Variants in MUSK observed in about 807,000 individuals in gnomAD.
The protein encoded by MUSK is muscle, skeletal receptor tyrosine-protein kinase.
A neutral mutation model predicts 88.7 loss-of-function variants in MUSK; 55 were observed. The observed-to-expected ratio is 0.62, with a 90% CI of 0.50 to 0.78. The LOEUF (loss-of-function observed/expected upper bound fraction) is 0.78, where lower values mean the gene tolerates loss of function less well. Ranked by LOEUF, MUSK falls within the 30% of genes least tolerant of loss-of-function variation. The probability of loss-of-function intolerance (pLI) is 0.00; values close to 1 mark genes in which losing one functional copy is unlikely to be tolerated. For synonymous variants in MUSK, 387 were observed against 391.9 expected, an observed-to-expected ratio of 0.99 and a Z score of 0.15; for missense variants, 1,015 against 1,074.3, an observed-to-expected ratio of 0.94 and a Z score of 0.77.
Position 110,743,972 on chromosome 9 carries a change from T to C in MUSK, c.754-3669T>C, listed in dbSNP as rs951380874. ...ACTGGGCAACATCCTTTTTTTTTTTTTTATTTTTTTCCCCAAGATGGAGTC... is the reference window on the plus strand; with the variant it reads ...ACTGGGCAACATCCTTTTTTTTTTTCTTATTTTTTTCCCCAAGATGGAGTC... On this transcript the variant is annotated intron_variant, in intron 6 of 14. Transcript: ENST00000374448. Among the ~76,000 whole-genome samples, 18 of 152,070 alleles carry C rather than the reference T, an allele frequency of 1.2e-4. 1 individual carries two copies. Among genetic ancestry groups the C allele is most frequent in the African/African-American group, 4.3e-4 (18 of 41,390 alleles).
intron 3 of MUSK, among the ~76,000 whole-genome samples, chr9:110,694,486 T>C (rs1329912699): frequency 6.7e-6 from 1 of 149,936 alleles, no homozygotes; most frequent in African/African-American, 2.4e-5. Flanking sequence ...CCCATTCCTC[T>C]CCCTCACATT....
intron 5 of MUSK, among the ~76,000 whole-genome samples, chr9:110,701,038 T>C (rs1271387264): frequency 6.6e-6 from 1 of 152,202 alleles, no homozygotes; most frequent in Non-Finnish European, 1.5e-5. Context: ...ATTCTGTTCT[T>C]ATGGTCTCTA....
rs1269355799 is a variant in MUSK, at chr9:110,755,951, C to CGTATATATATATATATATATAT, written c.914-6251_914-6250insGTATATATATATATATATATAT. On this transcript the variant is annotated intron_variant, in intron 7 of 14. Transcript: ENST00000374448. ...ATATATACATATATATATATATATA[C>CGTATATATATATATATATATAT]ACATATATATATACATATATATATA... is the stretch of plus-strand genomic sequence containing the variant. Among the ~76,000 whole-genome samples, 83 of 101,790 alleles carry CGTATATATATATATATATATAT rather than the reference C, an allele frequency of 8.2e-4. 1 individual carries two copies. Among genetic ancestry groups the CGTATATATATATATATATATAT allele is most frequent in the African/African-American group, 3.5e-3 (82 of 23,562 alleles). The allele number at this position is 101,790 out of a possible 152,430, so 66.8% of individuals were successfully genotyped here.
intron 7 of MUSK, among the ~76,000 whole-genome samples, chr9:110,757,819 A>G (rs1317755020): frequency 6.6e-6 from 1 of 152,190 alleles, no homozygotes; most frequent in Admixed American, 6.5e-5. Context: ...ATATATACAT[A>G]TGTATGCATT....
intron 1 of MUSK, among the ~76,000 whole-genome samples, chr9:110,672,044 C>T (rs2075964545): frequency 6.6e-6 from 1 of 152,176 alleles, no homozygotes; most frequent in Non-Finnish European, 1.5e-5. Flanking sequence ...ACTGACACAG[C>T]TGTCATTGAA....
chr9:110,746,427 C>G (rs1394595656), intron 6 of MUSK, among the ~76,000 whole-genome samples: 3 of 152,164 alleles, frequency 2.0e-5, no homozygotes, highest in Non-Finnish European at 4.4e-5. Context: ...CATTTGTTCT[C>G]TCTTCTAGGA....
chr9:110,714,677 AT>A (rs1234046246), intron 5 of MUSK, among the ~76,000 whole-genome samples: 2 of 152,172 alleles, frequency 1.3e-5, no homozygotes, highest in African/African-American at 4.8e-5. Context: ...TCTTTTAATG[AT>A]AAGGGTTTGA....
chr9:110,769,861 A>C (rs886995509), intron 9 of MUSK, among the ~76,000 whole-genome samples: 1 of 152,140 alleles, frequency 6.6e-6, no homozygotes, highest in Admixed American at 6.5e-5. Context: ...AATCAGCTCA[A>C]CACCATGGAT....
intron 5 of MUSK, chr9:110,706,060 G>A (rs772765682): frequency 5.8e-6 from 3 of 519,730 alleles, no homozygotes; most frequent in Non-Finnish European, 1.2e-5. Context: ...CTCTGAAATT[G>A]AGATTTTTCT....
intron 11 of MUSK, among the ~76,000 whole-genome samples, chr9:110,778,154 A>G (rs1397743138): frequency 6.6e-6 from 1 of 152,076 alleles, no homozygotes; most frequent in Non-Finnish European, 1.5e-5. Context: ...GCTGTTAATC[A>G]TTTGTTTATC....
intron 14 of MUSK, among the ~76,000 whole-genome samples, chr9:110,788,756 A>G (rs529647901): frequency 1.7e-4 from 26 of 152,288 alleles, no homozygotes; most frequent in African/African-American, 6.0e-4. Context: ...CAGACTTTTT[A>G]AAGTGTTAAA....
rs2078159978 is a variant in MUSK, at chr9:110,806,197, A to T, written c.*5209A>T. On this transcript the variant is annotated 3_prime_UTR_variant, in exon 15 of 15. Transcript: ENST00000374448. Reference sequence around the variant, plus strand: ...CTCTTTCTGAATTGATCAATTTTTTAAAAATATGCAGCACTCTGACTCAAA... The same window carrying T: ...CTCTTTCTGAATTGATCAATTTTTTTAAAATATGCAGCACTCTGACTCAAA... 1.3e-5 allele frequency among the ~76,000 whole-genome samples: 2 copies of T among 152,132 alleles called. No individual in the cohort carries two copies. The highest frequency in any genetic ancestry group is 4.1e-4 in the South Asian group (2 of 4,834).
chr9:110,747,677 C>G lies in MUSK; in HGVS notation c.790C>G (p.Arg264Gly), dbSNP rs777482709. Residue 264 changes from arginine to glycine, a missense_variant, in exon 7 of 15, where the codon CGA becomes GGA. By Grantham distance (125) the Arg-to-Gly change is moderately radical. Transcript: ENST00000374448. Reference protein sequence around the residue: ...SGSIQESVKDRVIDSRLQLFI... With the variant: ...SGSIQESVKDGVIDSRLQLFI... The stretch of plus-strand genomic sequence containing the variant: ...GTCCATTCAAGAGAGTGTGAAAGAC[C>G]GAGTGATTGACTCAAGACTGCAGCT... The G allele has an allele frequency of 2.5e-6, 4 of 1,613,516 alleles. No homozygotes were observed. Among genetic ancestry groups the G allele is most frequent in the African/African-American group, 1.3e-5 (1 of 74,852 alleles).
rs543204125 is a variant in MUSK, at chr9:110,704,752, G to A, written c.628+7286G>A. Among the ~76,000 whole-genome samples, 7 of 152,032 alleles carry A rather than the reference G, an allele frequency of 4.6e-5. No individual in the cohort carries two copies. The South Asian group carries it at 6.2e-4, about 14-fold the overall frequency. On this transcript the variant is annotated intron_variant, in intron 5 of 14. Transcript: ENST00000374448. ...TATAATCCCAGCACTTTGGGAGGCCGAGGTGGGCGAATCACGAGGTTAGGA... is the reference window on the plus strand; with the variant it reads ...TATAATCCCAGCACTTTGGGAGGCCAAGGTGGGCGAATCACGAGGTTAGGA...
intron 5 of MUSK, among the ~76,000 whole-genome samples, chr9:110,704,307 T>C (rs1292622797): frequency 1.3e-5 from 2 of 152,176 alleles, no homozygotes; most frequent in Non-Finnish European, 2.9e-5. Context: ...AAGAATGAGA[T>C]GGATTTATAT....
Position 110,721,954 on chromosome 9 carries a change from C to A in MUSK, c.629-12297C>A, listed in dbSNP as rs112246556. Among the ~76,000 whole-genome samples, 725 of 152,088 alleles carry A rather than the reference C, an allele frequency of 4.8e-3. 9 individuals are homozygous for A. Among genetic ancestry groups the A allele is most frequent in the African/African-American group, 0.017 (691 of 41,518 alleles). On this transcript the variant is annotated intron_variant, in intron 5 of 14. Coordinates refer to ENST00000374448, the MANE Select transcript of MUSK (RefSeq NM_005592.4). The stretch of plus-strand genomic sequence containing the variant: ...ATGAAGCCAAATACTTACAGTTAAC[C>A]GATCTTTGACAAAGCAAACAAAAGT...
chr9:110,723,952 T>C (rs1038894808), intron 5 of MUSK, among the ~76,000 whole-genome samples: 1 of 151,994 alleles, frequency 6.6e-6, no homozygotes, highest in Admixed American at 6.6e-5. Context: ...TCTTCCCATC[T>C]TTTAGTTAAT....
chr9:110,681,756 C>T (rs2131652220), intron 1 of MUSK, among the ~76,000 whole-genome samples: 1 of 152,140 alleles, frequency 6.6e-6, no homozygotes, highest in Non-Finnish European at 1.5e-5. Context: ...AAGGTTTATT[C>T]AGAAAGTGGA....
At chr9:110,695,350 G>C in intron 3 of MUSK, 53 bp from the exon 4 acceptor site, 1 of 1,230,452 alleles carries the variant, frequency 8.1e-7, no homozygotes, top group Non-Finnish European at 1.1e-6. Flanking sequence ...AGAAACTCTA[G>C]GTTTAATAAA....
Sources: allele counts gnomAD v4.1 joint callset (sites outside exome capture counted in the v4.1 genomes callset), GRCh38; gene constraint gnomAD v4.1.1; transcripts MANE v1.5; gene names NCBI Gene and HGNC (gene_info 2026-07-23, HGNC 2026-07-21).